SGSM2: variants seen among roughly 807,000 people sequenced by gnomAD.
SGSM2 encodes the protein RUN and TBC1 domain containing 1.
In SGSM2, 89 loss-of-function variants were observed where a neutral mutation model predicts 126.6. That is an observed-to-expected ratio of 0.70 (90% CI 0.59 to 0.84). The LOEUF (loss-of-function observed/expected upper bound fraction) is 0.84, where lower values mean the gene tolerates loss of function less well. Ranked by LOEUF, SGSM2 falls within the 40% of genes least tolerant of loss-of-function variation. The pLI, the probability that SGSM2 is intolerant of heterozygous loss-of-function variation, is 0.00. For missense variants in SGSM2, 1,404 were observed against 1,416.6 expected (o/e 0.99, Z 0.14); for synonymous variants, 614 against 574.3 (o/e 1.07, Z -0.99).
At chr17:2,354,321 T>G (rs187015246) in intron 2 of SGSM2, among the ~76,000 whole-genome samples, 333 of 152,334 alleles carry the variant, frequency 2.2e-3, no homozygotes, top group African/African-American at 7.6e-3. Context: ...GTGCTGGGAT[T>G]ACAGGCGTGA....
At chr17:2,377,745 A>G (rs992385790) in intron 21 of SGSM2, 112 bp from the exon 22 acceptor site, 15 of 711,512 alleles carry the variant, frequency 2.1e-5, no homozygotes, top group Non-Finnish European at 2.1e-5. Flanking sequence ...AGACAGACCC[A>G]CTGCCAGGTT....
chr17:2,339,257 C>T (rs1469357242), intron 1 of SGSM2, among the ~76,000 whole-genome samples: 1 of 150,474 alleles, frequency 6.6e-6, no homozygotes, highest in African/African-American at 2.5e-5. Flanking sequence ...GAAACCCCAT[C>T]TCTACTGAAA....
At chr17:2,361,376 A>G (rs998098930) in intron 2 of SGSM2, among the ~76,000 whole-genome samples, 2 of 151,418 alleles carry the variant, frequency 1.3e-5, no homozygotes, top group African/African-American at 4.9e-5. Context: ...GGTCCTCATG[A>G]CCCCCAGGGG....
At chr17:2,361,917 T>C (rs970632748) in intron 3 of SGSM2, 118 bp downstream of exon 3, 18 of 1,364,872 alleles carry the variant, frequency 1.3e-5, no homozygotes, top group Admixed American at 9.1e-5. Context: ...GCAGGGCCTC[T>C]GGGTGAGGGA....
Position 2,375,564 on chromosome 17 carries a change from C to A in SGSM2, c.2173C>A (p.Gln725Lys). 6.2e-7 allele frequency: 1 copy of A among 1,613,830 alleles called. No homozygotes were observed. The highest frequency in any genetic ancestry group is 1.3e-5 in the African/African-American group (1 of 75,026). ...TGAAGATTCCAGACCAAAACCTGAGCAGGAAGCAGGACCCGGGACTCCGGG... is the reference window on the plus strand; with the variant it reads ...TGAAGATTCCAGACCAAAACCTGAGAAGGAAGCAGGACCCGGGACTCCGGG... ...DPEDSRPKPE[Q>K]EAGPGTPGTA... is the part of the protein sequence containing the mutation. The change falls in exon 18 of 24, where the codon CAG (glutamine) becomes AAG (lysine). Residue 725 changes from glutamine to lysine, a missense_variant. Gln to Lys is a moderately conservative substitution (Grantham distance 53). Coordinates refer to ENST00000268989, the MANE Select transcript of SGSM2 (RefSeq NM_014853.3).
chr17:2,366,174 G>C (rs1455723646), intron 11 of SGSM2, among the ~76,000 whole-genome samples: 1 of 152,194 alleles, frequency 6.6e-6, no homozygotes, highest in Non-Finnish European at 1.5e-5. Flanking sequence ...GCTGCCTGGG[G>C]GCTTTGGGCA....
intron 2 of SGSM2, among the ~76,000 whole-genome samples, chr17:2,350,079 G>A (rs1013596292): frequency 7.3e-5 from 11 of 151,692 alleles, no homozygotes; most frequent in South Asian, 2.1e-4. Flanking sequence ...AAGCCACCAC[G>A]CCTGGCCTAA....
rs910123729 is a variant in SGSM2 at position 2,379,076 on chromosome 17, C to G, written c.2940C>G (p.Ile980Met). ...ATGTGTTTGCTGTGTGGGAGGTGAT[C>G]TGGGCAGCCAGGCACATCTCATCGG... ...YEDVFAVWEV[I>M]WAARHISSEH... The change falls in exon 23 of 24, where the codon ATC becomes ATG. Residue 980 changes from isoleucine (I) to methionine (M), a missense_variant. By Grantham distance (10) the Ile-to-Met change is conservative (BLOSUM62 1). Coordinates refer to ENST00000268989, the MANE Select transcript of SGSM2 (RefSeq NM_014853.3). 3.7e-6 allele frequency: 6 copies of G among 1,614,112 alleles called. No homozygotes were observed. The highest frequency in any genetic ancestry group is 1.3e-5 in the African/African-American group (1 of 74,942).
rs367681282 is a variant in SGSM2 at position 2,375,788 on chromosome 17, G to A, written c.2397G>A (p.Glu799=). The change falls in exon 18 of 24, where the codon GAG becomes GAA. Residue 799 remains glutamate, a synonymous_variant. Transcript: ENST00000268989. ...GPGPAAHTLR[E]PQDPSQEKPQ... is the part of the protein sequence containing the mutation. ...GCCCTGCAGCTCACACTTTGAGGGA[G>A]CCCCAGGATCCCAGCCAGGAGAAGC... The A allele has an allele frequency of 5.1e-6, 8 of 1,579,454 alleles. No individual in the cohort carries two copies. The African/African-American group carries it at 8.1e-5, about 16-fold the overall frequency.
chr17:2,380,228 C>T lies in SGSM2; in HGVS notation c.*708C>T. The T allele has an allele frequency of 6.5e-7, 1 of 1,535,942 alleles. No homozygotes were observed. On this transcript the variant is annotated 3_prime_UTR_variant, in exon 24 of 24. Transcript: ENST00000268989. ...GTGTACCTCTGTGTATCTGTACAGC[C>T]TCGCTCCTGCCACCCCACCCTTGCG...
Position 2,379,440 on chromosome 17 carries a change from G to A in SGSM2, c.3076G>A (p.Glu1026Lys), listed in dbSNP as rs576999962. 1.2e-6 allele frequency: 2 copies of A among 1,613,054 alleles called. No homozygotes were observed. Among genetic ancestry groups the A allele is most frequent in the African/African-American group, 1.3e-5 (1 of 75,026 alleles). The change falls in exon 24 of 24, where the codon GAG (glutamate) becomes AAG (lysine). Residue 1026 changes from glutamate to lysine, a missense_variant. By Grantham distance (56) the Glu-to-Lys change is moderately conservative. Transcript: ENST00000268989. ...DIIKFFNERA[E>K]HHDAQEILRI... ...TTCACGTTTCCCCCCAGAACGTGCT[G>A]AGCATCACGATGCCCAGGAGATCCT...
chr17:2,344,457 T>G (rs887188358), intron 2 of SGSM2, among the ~76,000 whole-genome samples: 1 of 152,098 alleles, frequency 6.6e-6, no homozygotes. Context: ...AAAGAACAGA[T>G]AAGGGAAGGG....
chr17:2,372,378 A>G lies in SGSM2; in HGVS notation c.1678A>G (p.Thr560Ala). 1 of 1,591,822 alleles carries G rather than the reference A, an allele frequency of 6.3e-7. No individual in the cohort carries two copies. Among genetic ancestry groups the G allele is most frequent in the Non-Finnish European group, 8.5e-7 (1 of 1,170,776 alleles). ...AHCRHLSTVR[T>A]HLSALVHHSV... ...CTGCCGCCACCTGTCCACGGTGCGG[A>G]CCCACCTGTCGGCGCTGGTGCACCA... is the stretch of plus-strand genomic sequence containing the variant. Residue 560 changes from threonine to alanine, a missense_variant, in exon 15 of 24, where the codon ACC becomes GCC. Transcript: ENST00000268989. The surrounding 1 kb of genome is among the most constrained non-coding windows in gnomAD (Gnocchi z 6.0).
chr17:2,374,138 T>G (rs1218920919), intron 17 of SGSM2: 2 of 152,304 alleles, frequency 1.3e-5, no homozygotes, highest in Non-Finnish European at 1.5e-5. Context: ...AAACTGTGAC[T>G]GCCTGGCCCA....
At chr17:2,365,853 C>T (rs1438591036) in intron 11 of SGSM2, among the ~76,000 whole-genome samples, 5 of 151,844 alleles carry the variant, frequency 3.3e-5, no homozygotes, top group Non-Finnish European at 7.4e-5. Context: ...TCAAGCGATC[C>T]TCCTACCTCA....
chr17:2,354,647 T>C (rs529220817), intron 2 of SGSM2, among the ~76,000 whole-genome samples: 1 of 152,262 alleles, frequency 6.6e-6, no homozygotes, highest in South Asian at 2.1e-4. Context: ...GAGGGGTTAC[T>C]GGATCAGAGG....
In SGSM2 at chr17:2,372,518, G is replaced by T. The variant is rs1187814139; in HGVS notation, c.1788+30G>T. 4 of 1,592,480 alleles carry T rather than the reference G, an allele frequency of 2.5e-6. No homozygotes were observed. The highest frequency in any genetic ancestry group is 3.4e-6 in the Non-Finnish European group (4 of 1,173,612). ...CAACCCTGGGGTTCCAGGGCCACAG[G>T]TCGAGGGGCTGGGGCGGGCAGGAGT... On this transcript the variant is annotated intron_variant, in intron 15 of 23. Transcript: ENST00000268989. The surrounding 1 kb of genome is among the most constrained non-coding windows in gnomAD (Gnocchi z 6.0).
rs2066348680 is a variant in SGSM2 at position 2,380,081 on chromosome 17, C to T, written c.*561C>T. 1.4e-6 allele frequency: 2 copies of T among 1,404,580 alleles called. No homozygotes were observed. The highest frequency in any genetic ancestry group is 1.5e-5 in the African/African-American group (1 of 68,262). 87.0% of individuals were successfully genotyped at this position (1,404,580 alleles called of 1,614,324 possible). ...GGAGACCCGGGCCGCCTTCAGGCCGCTCCCCCGAGATTCTGGGGCAGTCGG... is the reference window on the plus strand; with the variant it reads ...GGAGACCCGGGCCGCCTTCAGGCCGTTCCCCCGAGATTCTGGGGCAGTCGG... On this transcript the variant is annotated 3_prime_UTR_variant, in exon 24 of 24. Transcript: ENST00000268989.
At position 2,373,350 on chromosome 17, in the gene SGSM2, C is replaced by G; in HGVS notation, c.1937C>G (p.Ala646Gly). 1 of 1,612,632 alleles carries G rather than the reference C, an allele frequency of 6.2e-7. No homozygotes were observed. The change falls in exon 17 of 24, where the codon GCA becomes GGA. Residue 646 changes from alanine to glycine, a missense_variant. By Grantham distance (60) the Ala-to-Gly change is moderately conservative (BLOSUM62 0). Transcript: ENST00000268989. Reference sequence around the variant, plus strand: ...GTACAGGTGGACGCAGTGGTGGCAGCAAGGTACCAGCAGGTGTTGGCAGAG... The same window carrying G: ...GTACAGGTGGACGCAGTGGTGGCAGGAAGGTACCAGCAGGTGTTGGCAGAG... The part of the protein sequence containing the change: ...EMEQVDAVVA[A>G]RYQQVLAEWK...
Sources: gnomAD v4.1 joint callset for allele counts (sites outside exome capture counted in the v4.1 genomes callset) on GRCh38, gnomAD v4.1.1 for gene constraint, Gnocchi (gnomAD v3.1) non-coding constraint, MANE v1.5 for transcripts, NCBI Gene and HGNC (gene_info 2026-07-23, HGNC 2026-07-21) for gene names.